Variants in CMIP observed in about 807,000 individuals in gnomAD.
CMIP encodes the protein C-Maf-inducing protein.
In CMIP, 13 loss-of-function variants were observed where a neutral mutation model predicts 97.3. The observed-to-expected ratio is 0.13, with a 90% CI of 0.09 to 0.21. The LOEUF (loss-of-function observed/expected upper bound fraction) is 0.21. CMIP is among the 10% of genes least tolerant of loss of function. The pLI is 1.00. For missense variants in CMIP, 847 were observed against 1,024.9 expected (o/e 0.83, Z 2.37); for synonymous variants, 538 against 436.3 (o/e 1.23, Z -2.91).
chr16:81,621,028 C>G lies in CMIP; in HGVS notation c.477+102C>G. 1.4e-6 allele frequency: 2 copies of G among 1,449,032 alleles called. No individual in the cohort carries two copies. The highest frequency in any genetic ancestry group is 1.9e-6 in the Non-Finnish European group (2 of 1,047,854). The allele number at this position is 1,449,032 out of a possible 1,614,324, so 89.8% of individuals were successfully genotyped here. ...AGGCATGAAAGTGGAGAACTCATGC[C>G]TTCCAGATGGCTCAGCTGAGGAACT... On this transcript the variant is annotated intron_variant, in intron 3 of 20. Transcript: ENST00000537098. The surrounding 1 kb of genome is among the most constrained non-coding windows in gnomAD (Gnocchi z 4.1).
chr16:81,471,463 C>T (rs1049363922), intron 1 of CMIP, among the ~76,000 whole-genome samples: 18 of 152,168 alleles, frequency 1.2e-4, no homozygotes, highest in Admixed American at 3.3e-4. Context: ...TACACATACA[C>T]ATGTATGCAG....
intron 10 of CMIP, among the ~76,000 whole-genome samples, chr16:81,682,945 C>T (rs185612333): frequency 2.0e-5 from 3 of 152,306 alleles, no homozygotes; most frequent in African/African-American, 4.8e-5. Context: ...ATGAAAAGAA[C>T]GTGGATTCGG....
intron 2 of CMIP, among the ~76,000 whole-genome samples, chr16:81,609,668 CAG>C (rs538814008): frequency 6.6e-5 from 10 of 152,276 alleles, no homozygotes; most frequent in East Asian, 5.8e-4. Context: ...GCTCCCCAGA[CAG>C]GGGGCATTTG....
At chr16:81,572,591 G>A (rs369004571) in intron 1 of CMIP, among the ~76,000 whole-genome samples, 16 of 152,152 alleles carry the variant, frequency 1.1e-4, no homozygotes, top group East Asian at 3.9e-4. Context: ...TGTTACAGAC[G>A]GGGAGACTGG....
intron 1 of CMIP, among the ~76,000 whole-genome samples, chr16:81,562,157 T>C (rs148587355): frequency 7.9e-5 from 12 of 152,330 alleles, no homozygotes; most frequent in African/African-American, 2.9e-4. Flanking sequence ...GAGATGAGGA[T>C]GCAGCCAACC....
intron 2 of CMIP, chr16:81,618,521 C>G (rs941668911): frequency 6.6e-6 from 1 of 152,262 alleles, no homozygotes; most frequent in African/African-American, 2.4e-5. Flanking sequence ...CTCCTTCTCT[C>G]TCTGGCCCCC....
At chr16:81,572,962 C>T (rs1202901670) in intron 1 of CMIP, among the ~76,000 whole-genome samples, 1 of 152,178 alleles carries the variant, frequency 6.6e-6, no homozygotes, top group Non-Finnish European at 1.5e-5. Context: ...CAGCAAGTTT[C>T]ACACTGAGAG....
chr16:81,559,797 A>T (rs577338076), intron 1 of CMIP, among the ~76,000 whole-genome samples: 1 of 152,310 alleles, frequency 6.6e-6, no homozygotes, highest in African/African-American at 2.4e-5. Flanking sequence ...CCTTCTAGTT[A>T]TAAAAAAATG....
intron 20 of CMIP, among the ~76,000 whole-genome samples, chr16:81,709,481 A>G (rs1005812141): frequency 9.2e-5 from 14 of 152,142 alleles, no homozygotes; most frequent in African/African-American, 3.4e-4. Context: ...CAGTGCTTCC[A>G]CCTGCGAAGA....
intron 1 of CMIP, among the ~76,000 whole-genome samples, chr16:81,468,039 A>G (rs1405339178): frequency 6.6e-6 from 1 of 151,868 alleles, no homozygotes; most frequent in African/African-American, 2.4e-5. Context: ...GGAGTGCACC[A>G]CCATGCCCGG....
At chr16:81,637,591 G>C (rs2092252734) in intron 3 of CMIP, among the ~76,000 whole-genome samples, 1 of 152,184 alleles carries the variant, frequency 6.6e-6, no homozygotes, top group South Asian at 2.1e-4. Context: ...AAGCGGAAAA[G>C]AAATTCAAGT....
rs1416227386 is a variant in CMIP at position 81,614,983 on chromosome 16, G to A, written c.427-5893G>A. On this transcript the variant is annotated intron_variant, in intron 2 of 20. Transcript: ENST00000537098. This position sits in a 1 kb window ranked among gnomAD's most constrained non-coding sequence, Gnocchi z 5.3. ...GTGTGTTGTGTGATATGTGACGTGT[G>A]TGTGTGGTGTATGTGTCTATATGTG... Among the ~76,000 whole-genome samples the A allele has an allele frequency of 6.6e-6, 1 of 151,208 alleles. No individual in the cohort carries two copies. Among genetic ancestry groups the A allele is most frequent in the African/African-American group, 2.4e-5 (1 of 41,088 alleles).
intron 1 of CMIP, among the ~76,000 whole-genome samples, chr16:81,569,062 C>A (rs1034170351): frequency 6.6e-6 from 1 of 152,178 alleles, no homozygotes; most frequent in Non-Finnish European, 1.5e-5. Flanking sequence ...TAAATAAGAT[C>A]GTACATTTTA....
chr16:81,565,449 G>A (rs1283937658), intron 1 of CMIP, among the ~76,000 whole-genome samples: 1 of 152,152 alleles, frequency 6.6e-6, no homozygotes, highest in Non-Finnish European at 1.5e-5. Flanking sequence ...TCCCCTCCTG[G>A]TAACACAGGG....
At chr16:81,663,859 A>G (rs1185477441) in intron 6 of CMIP, among the ~76,000 whole-genome samples, 1 of 152,042 alleles carries the variant, frequency 6.6e-6, no homozygotes, top group Non-Finnish European at 1.5e-5. Flanking sequence ...GGGGACAGGA[A>G]AGGGAAACAA....
intron 1 of CMIP, among the ~76,000 whole-genome samples, chr16:81,457,972 G>A (rs1906665960): frequency 6.6e-6 from 1 of 152,224 alleles, no homozygotes; most frequent in South Asian, 2.1e-4. Context: ...CCCTGCCTTC[G>A]CCCTGATGAC....
At position 81,684,732 on chromosome 16, in the gene CMIP, C is replaced by T. The variant is rs570013185; in HGVS notation, c.1388+6104C>T. On this transcript the variant is annotated intron_variant, in intron 10 of 20. Coordinates refer to ENST00000537098, the MANE Select transcript of CMIP (RefSeq NM_198390.3). ...GGTTAAATGTGCAGGTGCCTAATGC[C>T]TGAGGCATGTTGGGGTCAGCAGGAT... Among the ~76,000 whole-genome samples, 4 of 152,334 alleles carry T rather than the reference C, an allele frequency of 2.6e-5. No individual in the cohort carries two copies. The East Asian group carries it at 7.7e-4, about 29-fold the overall frequency.
chr16:81,677,751 A>G (rs1215860537), intron 9 of CMIP, among the ~76,000 whole-genome samples: 2 of 152,176 alleles, frequency 1.3e-5, no homozygotes, highest in Non-Finnish European at 2.9e-5. Flanking sequence ...GGGGTTCCGC[A>G]GACAGAAGGG....
rs753929414 is a variant in CMIP, at chr16:81,710,760, G to C, written c.*961G>C. The stretch of plus-strand genomic sequence containing the variant: ...CACTAAGGCCCAAGCTCTTTCTCTC[G>C]GCACCTTTTAGACTTGAATGGGAGG... On this transcript the variant is annotated 3_prime_UTR_variant, in exon 21 of 21. Coordinates refer to ENST00000537098, the MANE Select transcript of CMIP (RefSeq NM_198390.3). 1 of 151,892 alleles carries C rather than the reference G, an allele frequency of 6.6e-6. No individual in the cohort carries two copies. Among genetic ancestry groups the C allele is most frequent in the African/African-American group, 2.4e-5 (1 of 41,288 alleles). The allele number at this position is 151,892 out of a possible 1,614,324, so 9.4% of individuals were successfully genotyped here.
Sources: gnomAD v4.1 joint callset for allele counts (sites outside exome capture counted in the v4.1 genomes callset) on GRCh38, gnomAD v4.1.1 for gene constraint, Gnocchi (gnomAD v3.1) non-coding constraint, MANE v1.5 for transcripts, NCBI Gene and HGNC (gene_info 2026-07-23, HGNC 2026-07-21) for gene names.